The following TBC1D22A variants were observed in gnomAD, a reference collection of about 807,000 sequenced individuals.
The protein encoded by TBC1D22A is TBC1 domain family member 22A, also known as putative GTPase activator.
A neutral mutation model predicts 60.2 loss-of-function variants in TBC1D22A; 38 were observed. That is an observed-to-expected ratio of 0.63 (90% CI 0.49 to 0.83). The LOEUF (loss-of-function observed/expected upper bound fraction) is 0.83, where lower values mean the gene tolerates loss of function less well. Among genes scored for constraint, TBC1D22A ranks in the 40% least tolerant of loss-of-function variants. TBC1D22A has a pLI of 0.00. For missense variants in TBC1D22A, 628 were observed against 701.0 expected (o/e 0.90, Z 1.18); for synonymous variants, 302 against 281.7 (o/e 1.07, Z -0.72).
intron 1 of TBC1D22A, 99 bp from the exon 2 acceptor site, chr22:46,792,421 C>T: frequency 6.6e-7 from 1 of 1,524,736 alleles, no homozygotes; most frequent in Non-Finnish European, 9.1e-7. Context: ...TTCCTTCAGT[C>T]CTGTGGGTTC....
rs1026874315 is a variant in TBC1D22A at position 46,941,455 on chromosome 22, G to A, written c.1015+29267G>A. 1.5e-3 allele frequency among the ~76,000 whole-genome samples: 194 copies of A among 128,420 alleles called. 12 individuals carry two copies. Among genetic ancestry groups the A allele is most frequent in the African/African-American group, 5.2e-3 (180 of 34,328 alleles). 84.2% of individuals were successfully genotyped at this position (128,420 alleles called of 152,430 possible). A position where few individuals can be genotyped will look rare whatever the true frequency, so the allele number is the denominator to read the frequency against. Reference sequence around the variant, plus strand: ...ATATATATACACGGAATATATATACGGAATATATATACACGGAATATATAT... The same window carrying A: ...ATATATATACACGGAATATATATACAGAATATATATACACGGAATATATAT... On this transcript the variant is annotated intron_variant, in intron 8 of 12. Transcript: ENST00000337137.
chr22:47,070,082 G>A (rs1305195170), intron 11 of TBC1D22A, among the ~76,000 whole-genome samples: 1 of 137,924 alleles, frequency 7.3e-6, no homozygotes, highest in Non-Finnish European at 1.5e-5. Context: ...GTTGGACGCT[G>A]TCCCCTGTTG....
intron 12 of TBC1D22A, among the ~76,000 whole-genome samples, chr22:47,161,587 G>A (rs2067987047): frequency 6.6e-6 from 1 of 152,200 alleles, no homozygotes; most frequent in Non-Finnish European, 1.5e-5. Flanking sequence ...CATGATTCAG[G>A]GACAACCACC....
chr22:46,804,734 T>A (rs771184378), intron 4 of TBC1D22A, among the ~76,000 whole-genome samples: 1 of 152,248 alleles, frequency 6.6e-6, no homozygotes, highest in Non-Finnish European at 1.5e-5. Flanking sequence ...AATCTTCAGT[T>A]TAATAGGAAA....
At chr22:47,143,000 G>A (rs1163580878) in intron 12 of TBC1D22A, among the ~76,000 whole-genome samples, 1 of 151,556 alleles carries the variant, frequency 6.6e-6, no homozygotes, top group Non-Finnish European at 1.5e-5. Context: ...GTCCTGTGAG[G>A]GCCTGCTGGA....
intron 8 of TBC1D22A, among the ~76,000 whole-genome samples, chr22:46,941,024 A>C (rs1209347757): frequency 4.8e-5 from 7 of 146,470 alleles, no homozygotes; most frequent in Non-Finnish European, 1.0e-4. Flanking sequence ...ACCCTTGAAC[A>C]GCATGGAGGC....
intron 12 of TBC1D22A, among the ~76,000 whole-genome samples, chr22:47,136,696 C>T (rs1291192873): frequency 6.6e-6 from 1 of 152,226 alleles, no homozygotes; most frequent in Non-Finnish European, 1.5e-5. Flanking sequence ...TTTCAGCACT[C>T]ACCCACCCTG....
At chr22:47,137,982 C>A (rs2066936302) in intron 12 of TBC1D22A, among the ~76,000 whole-genome samples, 1 of 152,168 alleles carries the variant, frequency 6.6e-6, no homozygotes, top group Non-Finnish European at 1.5e-5. Context: ...TACTGGCACC[C>A]CCTCTCAGAG....
At chr22:47,052,611 A>T (rs570702979) in intron 11 of TBC1D22A, among the ~76,000 whole-genome samples, 4 of 152,238 alleles carry the variant, frequency 2.6e-5, no homozygotes, top group South Asian at 4.1e-4. Flanking sequence ...TTCTCCGGGG[A>T]TGGCCCTGTG....
At chr22:47,003,786 TAC>T (rs1221652008) in intron 10 of TBC1D22A, among the ~76,000 whole-genome samples, 5 of 93,390 alleles carry the variant, frequency 5.4e-5, no homozygotes, top group Non-Finnish European at 8.4e-5. Context: ...ACACACACCC[TAC>T]ACACACATGC....
In TBC1D22A at chr22:47,170,096, A is replaced by G. The variant is rs185274005; in HGVS notation, c.1426-3402A>G. On this transcript the variant is annotated intron_variant, in intron 12 of 12. Transcript: ENST00000337137. ...GTGCATAAATAAGACAAGCCTTTTT[A>G]AAAAAGAAATCTGTATTTAAGGATG... 2.1e-4 allele frequency among the ~76,000 whole-genome samples: 32 copies of G among 152,306 alleles called. 2 individuals are homozygous for G. The highest frequency in any genetic ancestry group is 7.2e-4 in the African/African-American group (30 of 41,566).
chr22:47,175,416 A>G lies in TBC1D22A; in HGVS notation c.*1790A>G, dbSNP rs1020946966. ...GGAAGCCCCATGTCGCTTTGCCGAGATCAGCCCTGGGAGGATCCCCTTCTC... is the reference window on the plus strand; with the variant it reads ...GGAAGCCCCATGTCGCTTTGCCGAGGTCAGCCCTGGGAGGATCCCCTTCTC... On this transcript the variant is annotated 3_prime_UTR_variant, in exon 13 of 13. Transcript: ENST00000337137. 1 of 150,514 alleles carries G rather than the reference A, an allele frequency of 6.6e-6. No homozygotes were observed. Among genetic ancestry groups the G allele is most frequent in the Admixed American group, 6.6e-5 (1 of 15,190 alleles). The allele number at this position is 150,514 out of a possible 1,614,324, so 9.3% of individuals were successfully genotyped here. A position where few individuals can be genotyped will look rare whatever the true frequency, so the allele number is the denominator to read the frequency against.
Position 47,093,809 on chromosome 22 carries a change from C to T in TBC1D22A, c.1330-17699C>T, listed in dbSNP as rs574770217. Reference sequence around the variant, plus strand: ...TCAAACATTATTCTGGATGTCTCTCCGAAGGTGTTTTTTGGTTGAGGTTGT... The same window carrying T: ...TCAAACATTATTCTGGATGTCTCTCTGAAGGTGTTTTTTGGTTGAGGTTGT... On this transcript the variant is annotated intron_variant, in intron 11 of 12. Transcript: ENST00000337137. Among the ~76,000 whole-genome samples, 16 of 152,254 alleles carry T rather than the reference C, an allele frequency of 1.1e-4. No individual in the cohort carries two copies. In the South Asian group the frequency reaches 2.3e-3, roughly 22 times the overall value.
intron 4 of TBC1D22A, among the ~76,000 whole-genome samples, chr22:46,870,860 C>G (rs894928144): frequency 6.6e-6 from 1 of 152,148 alleles, no homozygotes; most frequent in African/African-American, 2.4e-5. Flanking sequence ...GTGGATTACT[C>G]ATGACCTAAA....
At chr22:46,965,053 A>C (rs1486706720) in intron 8 of TBC1D22A, among the ~76,000 whole-genome samples, 2 of 152,236 alleles carry the variant, frequency 1.3e-5, no homozygotes, top group African/African-American at 2.4e-5. Context: ...AAAGGGACTT[A>C]GGCTTCTGTA....
At chr22:47,146,408 G>A (rs2067287833) in intron 12 of TBC1D22A, among the ~76,000 whole-genome samples, 2 of 152,200 alleles carry the variant, frequency 1.3e-5, no homozygotes, top group East Asian at 3.9e-4. Flanking sequence ...AGAGACAGCA[G>A]AAGAGACGTT....
At chr22:46,819,744 G>C (rs534567630) in intron 4 of TBC1D22A, among the ~76,000 whole-genome samples, 1 of 152,138 alleles carries the variant, frequency 6.6e-6, no homozygotes, top group Non-Finnish European at 1.5e-5. Context: ...GGATGATGCT[G>C]GTTTCATAAA....
chr22:46,800,337 G>A (rs1342061083), intron 4 of TBC1D22A, among the ~76,000 whole-genome samples: 2 of 152,132 alleles, frequency 1.3e-5, no homozygotes, highest in African/African-American at 2.4e-5. Context: ...AGGTGTGGAG[G>A]TGTCACCCAC....
intron 7 of TBC1D22A, among the ~76,000 whole-genome samples, chr22:46,900,521 G>T (rs773990566): frequency 2.6e-5 from 4 of 152,242 alleles, no homozygotes; most frequent in Non-Finnish European, 4.4e-5. Context: ...ACTCTGCGAG[G>T]TTCCCCATGT....
Sources: gnomAD v4.1 joint callset for allele counts (sites outside exome capture counted in the v4.1 genomes callset) on GRCh38, gnomAD v4.1.1 for gene constraint, MANE v1.5 for transcripts, NCBI Gene and HGNC (gene_info 2026-07-23, HGNC 2026-07-21) for gene names.